The following CAMKK1 variants were observed in gnomAD, a reference collection of about 807,000 sequenced individuals.
The protein encoded by CAMKK1 is calcium/calmodulin dependent protein kinase kinase 1.
CAMKK1 carries 20 observed loss-of-function variants against 63.5 expected under a neutral mutation model. The observed-to-expected ratio is 0.32, with a 90% CI of 0.22 to 0.46. CAMKK1 has a LOEUF of 0.46. Ranked by LOEUF, CAMKK1 falls within the 20% of genes least tolerant of loss-of-function variation. The probability of loss-of-function intolerance (pLI) is 1.00; values close to 1 mark genes in which losing one functional copy is unlikely to be tolerated. For synonymous variants in CAMKK1, 253 were observed against 269.0 expected (o/e 0.94, Z 0.58); for missense variants, 588 against 658.1 (o/e 0.89, Z 1.17).
Position 3,885,670 on chromosome 17 carries a change from A to C in CAMKK1, c.18T>G (p.Ala6=). MEGGP[A]VCCQDPRAEL... Reference sequence around the variant, plus strand: ...CTGCCCGAGGATCCTGGCAGCAGACAGCTGGACCCCCCTCCATTGCTTCAG... The same window carrying C: ...CTGCCCGAGGATCCTGGCAGCAGACCGCTGGACCCCCCTCCATTGCTTCAG... Residue 6 remains alanine, a synonymous_variant, in exon 2 of 16, where the codon GCT becomes GCG. Transcript: ENST00000348335. The C allele has an allele frequency of 6.2e-7, 1 of 1,613,300 alleles. No homozygotes were observed.
rs1248301164 is a variant in CAMKK1 at position 3,876,350 on chromosome 17, T to G, written c.869A>C (p.Lys290Thr). ...NLLLGDDGHV[K>T]IADFGVSNQF... is the part of the protein sequence containing the mutation. ...GTTGCTGACGCCAAAGTCGGCGATC[T>G]TCACGTGCCCATCATCCCCCAGGAG... The change falls in exon 10 of 16, where the codon AAG becomes ACG. Residue 290 changes from lysine to threonine, a missense_variant. Lys to Thr is a moderately conservative substitution (Grantham distance 78). Around this residue, in one of 3 missense-constraint regions of CAMKK1, gnomAD observed 357 missense variants for 407.4 expected, o/e 0.88. Coordinates refer to ENST00000348335, the MANE Select transcript of CAMKK1 (RefSeq NM_032294.3). 6.2e-7 allele frequency: 1 copy of G among 1,614,240 alleles called. No individual in the cohort carries two copies. The highest frequency in any genetic ancestry group is 8.5e-7 in the Non-Finnish European group (1 of 1,180,036).
intron 12 of CAMKK1, among the ~76,000 whole-genome samples, chr17:3,871,541 A>T (rs371688419): frequency 2.3e-4 from 34 of 147,596 alleles, no homozygotes; most frequent in South Asian, 4.3e-4. Context: ...TATTTTTAGT[A>T]GAGATGGGGT....
At chr17:3,868,204 CGTGGGCTCTGGGGG>C (rs2054640578) in intron 14 of CAMKK1, among the ~76,000 whole-genome samples, 4 of 24,102 alleles carry the variant, frequency 1.7e-4, no homozygotes, top group Non-Finnish European at 2.6e-4. Context: ...CTAACTGATA[CGTGGGCTCTGGGGG>C]AGAAGCAGGC....
chr17:3,889,276 T>C lies in CAMKK1; in HGVS notation c.-43-3546A>G, dbSNP rs979631616. ...AGTAGATACTCTGTAGAAACTTAATTCGGTGGATAACTAGGGCCATGTGGG... is the reference window on the plus strand; with the variant it reads ...AGTAGATACTCTGTAGAAACTTAATCCGGTGGATAACTAGGGCCATGTGGG... On this transcript the variant is annotated intron_variant, in intron 1 of 15. Transcript: ENST00000348335. The surrounding 1 kb of genome is among the most constrained non-coding windows in gnomAD (Gnocchi z 5.2). Among the ~76,000 whole-genome samples, 2 of 152,024 alleles carry C rather than the reference T, an allele frequency of 1.3e-5. No homozygotes were observed. The highest frequency in any genetic ancestry group is 2.9e-5 in the Non-Finnish European group (2 of 67,996).
At chr17:3,875,077 G>A (rs1050216870) in intron 10 of CAMKK1, among the ~76,000 whole-genome samples, 3 of 151,966 alleles carry the variant, frequency 2.0e-5, no homozygotes, top group South Asian at 2.1e-4. Flanking sequence ...AGCTGAGATC[G>A]CGCCACTGCA....
rs780838235 is a variant in CAMKK1 at position 3,889,068 on chromosome 17, C to T, written c.-43-3338G>A. Reference sequence around the variant, plus strand: ...CTATGCCCAGGGTAGGGGGGTGGTCCGCGCCCCTGGGGGCCCTGGGAGCCT... The same window carrying T: ...CTATGCCCAGGGTAGGGGGGTGGTCTGCGCCCCTGGGGGCCCTGGGAGCCT... On this transcript the variant is annotated intron_variant, in intron 1 of 15. Transcript: ENST00000348335. The surrounding 1 kb of genome is among the most constrained non-coding windows in gnomAD (Gnocchi z 5.2). Among the ~76,000 whole-genome samples the T allele has an allele frequency of 5.9e-5, 9 of 152,182 alleles. No homozygotes were observed. Among genetic ancestry groups the T allele is most frequent in the Non-Finnish European group, 8.8e-5 (6 of 67,984 alleles).
chr17:3,878,147 C>T (rs2055249830), intron 9 of CAMKK1, among the ~76,000 whole-genome samples: 1 of 152,210 alleles, frequency 6.6e-6, no homozygotes, highest in Non-Finnish European at 1.5e-5. Context: ...AACTGCTTCT[C>T]ATCATCTGCA....
At position 3,867,981 on chromosome 17, in the gene CAMKK1, ATG is replaced by A. The variant is rs1567612590; in HGVS notation, c.1341+1504_1341+1505del. On this transcript the variant is annotated intron_variant, in intron 14 of 15. Transcript: ENST00000348335. ...AATGGATACGCAGGATCTGGGGGAG[ATG>A]CAGGCACCGTCTAACTGATACGCGG... Among the ~76,000 whole-genome samples, 9 of 119,782 alleles carry A rather than the reference ATG, an allele frequency of 7.5e-5. 1 individual carries two copies. Among genetic ancestry groups the A allele is most frequent in the Non-Finnish European group, 8.8e-5 (5 of 57,052 alleles). The allele number at this position is 119,782 out of a possible 152,430, so 78.6% of individuals were successfully genotyped here. A position where few individuals can be genotyped will look rare whatever the true frequency, so the allele number is the denominator to read the frequency against.
chr17:3,867,376 G>A (rs927704791), intron 14 of CAMKK1, among the ~76,000 whole-genome samples: 4 of 152,212 alleles, frequency 2.6e-5, no homozygotes, highest in African/African-American at 9.6e-5. Context: ...AGAAAAACAG[G>A]GCGGGTGGTG....
intron 15 of CAMKK1, among the ~76,000 whole-genome samples, chr17:3,864,386 C>A (rs914189068): frequency 1.1e-4 from 16 of 151,338 alleles, no homozygotes; most frequent in Admixed American, 2.6e-4. Flanking sequence ...AGCTGGGACT[C>A]CAGGTGCCCG....
chr17:3,869,698 T>G (rs535825812), intron 13 of CAMKK1, 83 bp from the exon 14 acceptor site: 31 of 1,607,564 alleles, frequency 1.9e-5, no homozygotes, highest in South Asian at 1.7e-4. Flanking sequence ...GTCCACAGAC[T>G]CAAACCCAAC....
intron 14 of CAMKK1, among the ~76,000 whole-genome samples, chr17:3,866,873 C>A (rs377234268): frequency 4.6e-5 from 7 of 152,226 alleles, no homozygotes; most frequent in Non-Finnish European, 1.0e-4. Context: ...GCGTCCACCA[C>A]CACACCCGGC....
intron 12 of CAMKK1, among the ~76,000 whole-genome samples, chr17:3,872,151 G>A (rs186508367): frequency 2.7e-4 from 41 of 152,356 alleles, no homozygotes; most frequent in African/African-American, 8.9e-4. Context: ...CTCCTCCAGA[G>A]CATCCTCTTT....
rs1411062820 is a variant in CAMKK1, at chr17:3,889,527, CAGA to C, written c.-44+3409_-44+3411del. ...TCTGTTTCCTAACACGTGCATCAAGCAGAAGGCCACTGTCCTGCCAACTCCCAG... is the reference window on the plus strand; with the variant it reads ...TCTGTTTCCTAACACGTGCATCAAGCAGGCCACTGTCCTGCCAACTCCCAG... On this transcript the variant is annotated intron_variant, in intron 1 of 15. Coordinates refer to ENST00000348335, the MANE Select transcript of CAMKK1 (RefSeq NM_032294.3). The surrounding 1 kb of genome is among the most constrained non-coding windows in gnomAD (Gnocchi z 5.2). 6.6e-6 allele frequency among the ~76,000 whole-genome samples: 1 copy of C among 152,028 alleles called. No individual in the cohort carries two copies. The highest frequency in any genetic ancestry group is 2.4e-5 in the African/African-American group (1 of 41,386).
At position 3,884,777 on chromosome 17, in the gene CAMKK1, G is replaced by A. The variant is rs1179572871; in HGVS notation, c.361-350C>T. Reference sequence around the variant, plus strand: ...ACTATTTCCAGAAGCAGCTGAATGAGAAGGTCTAGACTCCAAGGACAAGAT... The same window carrying A: ...ACTATTTCCAGAAGCAGCTGAATGAAAAGGTCTAGACTCCAAGGACAAGAT... On this transcript the variant is annotated intron_variant, in intron 2 of 15. Transcript: ENST00000348335. The surrounding 1 kb of genome is among the most constrained non-coding windows in gnomAD (Gnocchi z 4.5). 6.6e-6 allele frequency among the ~76,000 whole-genome samples: 1 copy of A among 152,230 alleles called. No individual in the cohort carries two copies. The highest frequency in any genetic ancestry group is 1.5e-5 in the Non-Finnish European group (1 of 68,044).
intron 1 of CAMKK1, among the ~76,000 whole-genome samples, chr17:3,886,669 G>C (rs1259090716): frequency 6.6e-6 from 1 of 152,002 alleles, no homozygotes; most frequent in East Asian, 1.9e-4. Flanking sequence ...GGGAATGAGG[G>C]GTGAAACAGG....
At position 3,882,211 on chromosome 17, in the gene CAMKK1, G is replaced by T; in HGVS notation, c.685+317C>A. 2 of 1,380,044 alleles carry T rather than the reference G, an allele frequency of 1.4e-6. No homozygotes were observed. The highest frequency in any genetic ancestry group is 1.2e-5 in the South Asian group (1 of 80,270). The allele number at this position is 1,380,044 out of a possible 1,614,324, so 85.5% of individuals were successfully genotyped here. A position where few individuals can be genotyped will look rare whatever the true frequency, so the allele number is the denominator to read the frequency against. ...TTATAGGTGGGAAAACTGAGGCACA[G>T]AGCTACAGTGTCTGGGAACCCATGC... is the stretch of plus-strand genomic sequence containing the variant. On this transcript the variant is annotated intron_variant, in intron 7 of 15. Transcript: ENST00000348335. The surrounding 1 kb of genome is among the most constrained non-coding windows in gnomAD (Gnocchi z 4.3).
intron 12 of CAMKK1, among the ~76,000 whole-genome samples, chr17:3,871,794 C>T (rs570788312): frequency 5.3e-4 from 80 of 151,630 alleles, no homozygotes; most frequent in South Asian, 2.7e-3. Context: ...TACAGATGTG[C>T]GCCACCACGC....
rs868547580 is a variant in CAMKK1, at chr17:3,890,041, C to T, written c.-44+2898G>A. The stretch of plus-strand genomic sequence containing the variant: ...CGAGGGGATGGACAGCCGTGACCAG[C>T]AGAGGACCGAACAGAAGGGAAAGCC... On this transcript the variant is annotated intron_variant, in intron 1 of 15. Coordinates refer to ENST00000348335, the MANE Select transcript of CAMKK1 (RefSeq NM_032294.3). This position sits in a 1 kb window ranked among gnomAD's most constrained non-coding sequence, Gnocchi z 6.5. Among the ~76,000 whole-genome samples, 18 of 152,352 alleles carry T rather than the reference C, an allele frequency of 1.2e-4. No homozygotes were observed. The highest frequency in any genetic ancestry group is 6.2e-4 in the South Asian group (3 of 4,832).
Sources: allele counts gnomAD v4.1 joint callset (sites outside exome capture counted in the v4.1 genomes callset), GRCh38; gene constraint gnomAD v4.1.1; regional missense constraint gnomAD v4.1.1; non-coding constraint Gnocchi (gnomAD v3.1); transcripts MANE v1.5; gene names NCBI Gene and HGNC (gene_info 2026-07-23, HGNC 2026-07-21).